The following STRN3 variants were observed in gnomAD, a reference collection of about 807,000 sequenced individuals.
The protein encoded by STRN3 is striatin-3.
STRN3 carries 29 observed loss-of-function variants against 95.6 expected under a neutral mutation model. That is an observed-to-expected ratio of 0.30 (90% CI 0.23 to 0.41). STRN3 has a LOEUF of 0.41. Ranked by LOEUF, STRN3 falls within the 10% of genes least tolerant of loss-of-function variation. STRN3 has a pLI of 1.00. For synonymous variants in STRN3, 331 were observed against 357.6 expected (o/e 0.93, Z 0.84); for missense variants, 890 against 972.1 (o/e 0.92, Z 1.12).
At chr14:31,011,096 C>T (rs1358790380) in intron 1 of STRN3, among the ~76,000 whole-genome samples, 3 of 152,176 alleles carry the variant, frequency 2.0e-5, no homozygotes, top group Non-Finnish European at 4.4e-5. Flanking sequence ...TTTCCCATGA[C>T]AGGGAGGGGA....
At chr14:30,980,365 A>G (rs1881331820) in intron 1 of STRN3, among the ~76,000 whole-genome samples, 1 of 152,172 alleles carries the variant, frequency 6.6e-6, no homozygotes, top group Admixed American at 6.5e-5. Flanking sequence ...TAGTGAACTA[A>G]AAAGTTCAAC....
chr14:30,966,863 T>C (rs1250272435), intron 1 of STRN3, among the ~76,000 whole-genome samples: 1 of 152,030 alleles, frequency 6.6e-6, no homozygotes, highest in Non-Finnish European at 1.5e-5. Flanking sequence ...AGGGGCCTAA[T>C]TCTCCCTTAG....
chr14:30,951,669 G>T (rs59349732), intron 3 of STRN3, among the ~76,000 whole-genome samples: 1 of 152,042 alleles, frequency 6.6e-6, no homozygotes, highest in African/African-American at 2.4e-5. Context: ...CTTAATATGG[G>T]GTCTATATCA....
chr14:30,968,960 T>G (rs2139188829), intron 1 of STRN3, among the ~76,000 whole-genome samples: 1 of 152,270 alleles, frequency 6.6e-6, no homozygotes, highest in Middle Eastern at 3.4e-3. Context: ...AAAATATATA[T>G]TTTGTTTCAA....
chr14:30,987,626 T>C (rs905604334), intron 1 of STRN3, among the ~76,000 whole-genome samples: 1 of 152,212 alleles, frequency 6.6e-6, no homozygotes, highest in Admixed American at 6.5e-5. Flanking sequence ...GGAGCCATGG[T>C]AGCTTAAAAA....
intron 16 of STRN3, among the ~76,000 whole-genome samples, chr14:30,900,274 A>C (rs1455688067): frequency 6.6e-6 from 1 of 150,902 alleles, no homozygotes; most frequent in African/African-American, 2.4e-5. Flanking sequence ...CGGGAGAATC[A>C]CTTGAACCCA....
chr14:30,950,880 G>A lies in STRN3; in HGVS notation c.525C>T (p.Gly175=), dbSNP rs766205914. ...TTACTCACTGTCTTAAAAGCTGTCTGCCTTGCTTCCACGTTAACTGGCTAT... is the reference window on the plus strand; with the variant it reads ...TTACTCACTGTCTTAAAAGCTGTCTACCTTGCTTCCACGTTAACTGGCTAT... ...PQNSQLTWKQ[G]RQLLRQYLQE... The change falls in exon 4 of 18, where the codon GGC becomes GGT. Residue 175 remains glycine, a synonymous_variant. Transcript: ENST00000357479. The A allele has an allele frequency of 1.2e-6, 2 of 1,613,878 alleles. No homozygotes were observed. The highest frequency in any genetic ancestry group is 8.5e-7 in the Non-Finnish European group (1 of 1,179,940).
At chr14:30,923,728 G>A (rs1349573466) in intron 8 of STRN3, among the ~76,000 whole-genome samples, 1 of 152,088 alleles carries the variant, frequency 6.6e-6, no homozygotes, top group Non-Finnish European at 1.5e-5. Flanking sequence ...CAGGCTATAA[G>A]AATAACAGCT....
intron 1 of STRN3, among the ~76,000 whole-genome samples, chr14:31,004,023 C>T (rs1882600375): frequency 1.3e-5 from 2 of 151,528 alleles, no homozygotes; most frequent in African/African-American, 4.9e-5. Flanking sequence ...GTGGCTCACA[C>T]TTGTAATCTC....
chr14:30,931,279 G>C (rs1403031964), intron 7 of STRN3, among the ~76,000 whole-genome samples: 3 of 152,028 alleles, frequency 2.0e-5, no homozygotes, highest in African/African-American at 4.8e-5. Flanking sequence ...ATAGGTAAGA[G>C]CAAAAGGGAA....
intron 1 of STRN3, among the ~76,000 whole-genome samples, chr14:30,996,842 G>A (rs1384855745): frequency 2.8e-5 from 4 of 144,988 alleles, no homozygotes; most frequent in African/African-American, 5.1e-5. Flanking sequence ...CTCAGGGCTG[G>A]GTGACAGAGC....
chr14:30,971,637 C>G (rs983214701), intron 1 of STRN3, among the ~76,000 whole-genome samples: 1 of 152,146 alleles, frequency 6.6e-6, no homozygotes, highest in African/African-American at 2.4e-5. Context: ...GATTAAAACT[C>G]AATGTTATAC....
intron 1 of STRN3, among the ~76,000 whole-genome samples, chr14:31,015,953 A>T (rs889838070): frequency 6.6e-6 from 1 of 152,154 alleles, no homozygotes; most frequent in African/African-American, 2.4e-5. Flanking sequence ...GGCACATGCT[A>T]CCATGCCTGG....
intron 1 of STRN3, among the ~76,000 whole-genome samples, chr14:31,017,226 G>A (rs767275414): frequency 2.0e-5 from 3 of 152,044 alleles, no homozygotes; most frequent in African/African-American, 4.8e-5. Flanking sequence ...TAGGCCGGGC[G>A]CAGTGGCTCA....
chr14:30,976,521 G>A (rs1221555211), intron 1 of STRN3, among the ~76,000 whole-genome samples: 1 of 139,874 alleles, frequency 7.1e-6, no homozygotes, highest in African/African-American at 2.7e-5. Flanking sequence ...TCATCAATCA[G>A]CTGGATCTAA....
chr14:30,898,237 A>G (rs1266296049), intron 16 of STRN3, among the ~76,000 whole-genome samples: 1 of 152,148 alleles, frequency 6.6e-6, no homozygotes, highest in Non-Finnish European at 1.5e-5. Flanking sequence ...TCAGTCTCTC[A>G]AAGTGCTGGG....
intron 1 of STRN3, among the ~76,000 whole-genome samples, chr14:30,982,247 C>T (rs1881447965): frequency 6.6e-6 from 1 of 152,092 alleles, no homozygotes; most frequent in Non-Finnish European, 1.5e-5. Flanking sequence ...CCACCACCAT[C>T]CTCAAAGATC....
intron 15 of STRN3, among the ~76,000 whole-genome samples, chr14:30,904,801 A>G (rs944928951): frequency 5.3e-5 from 8 of 152,088 alleles, no homozygotes; most frequent in African/African-American, 1.9e-4. Context: ...TAAAAGAAAA[A>G]AACAGTGAAC....
intron 1 of STRN3, among the ~76,000 whole-genome samples, chr14:31,002,396 G>A (rs750039173): frequency 6.0e-5 from 9 of 150,618 alleles, no homozygotes; most frequent in Non-Finnish European, 1.2e-4. Context: ...TGCTTGAGCC[G>A]GGAGGTGGAG....
Sources: gnomAD v4.1 joint callset for allele counts (sites outside exome capture counted in the v4.1 genomes callset) on GRCh38, gnomAD v4.1.1 for gene constraint, MANE v1.5 for transcripts, NCBI Gene and HGNC (gene_info 2026-07-23, HGNC 2026-07-21) for gene names.